Variants in GTSE1 observed in about 807,000 individuals in gnomAD.
GTSE1 encodes G2 and S phase-expressed protein 1.
A neutral mutation model predicts 60.5 loss-of-function variants in GTSE1; 52 were observed. The ratio of observed to expected loss-of-function variants is 0.86; its 90% CI spans 0.69 to 1.08. The LOEUF is 1.08. GTSE1 is among the 50% of genes least tolerant of loss of function. GTSE1 has a pLI of 0.00. For synonymous variants in GTSE1, 368 were observed against 386.5 expected (o/e 0.95, Z 0.56); for missense variants, 937 against 961.8 (o/e 0.97, Z 0.34).
At position 46,308,336 on chromosome 22, in the gene GTSE1, A is replaced by G; in HGVS notation, c.155A>G (p.Glu52Gly). The G allele has an allele frequency of 6.2e-7, 1 of 1,612,780 alleles. No individual in the cohort carries two copies. The highest frequency in any genetic ancestry group is 8.5e-7 in the Non-Finnish European group (1 of 1,178,880). ...ACAAATAGTGCAAATGAAGATGATG[A>G]AGTCTTCTTCGGACCCTTTGGACAT... Reference protein sequence around the residue: ...LSSSSANEDDEVFFGPFGHKE... With the variant: ...LSSSSANEDDGVFFGPFGHKE... Residue 52 changes from glutamate to glycine, a missense_variant, in exon 4 of 12, where the codon GAA (glutamate) becomes GGA (glycine). Coordinates refer to ENST00000454366, the MANE Select transcript of GTSE1 (RefSeq NM_016426.7).
At position 46,304,435 on chromosome 22, in the gene GTSE1, T is replaced by A. The variant is rs1350811975; in HGVS notation, c.80-3715T>A. On this transcript the variant is annotated intron_variant, in intron 2 of 11. Transcript: ENST00000454366. The surrounding 1 kb of genome is among the most constrained non-coding windows in gnomAD (Gnocchi z 4.4). ...GCTTTGGGTTGAGATGGGGATTTCC[T>A]TATATATCTATTACTTTTTATTAAG... Among the ~76,000 whole-genome samples the A allele has an allele frequency of 1.3e-5, 2 of 152,250 alleles. No homozygotes were observed. Among genetic ancestry groups the A allele is most frequent in the Non-Finnish European group, 2.9e-5 (2 of 68,036 alleles).
Position 46,330,140 on chromosome 22 carries a change from A to G in GTSE1, c.*10A>G. On this transcript the variant is annotated 3_prime_UTR_variant, in exon 12 of 12. Transcript: ENST00000454366. The surrounding 1 kb of genome is among the most constrained non-coding windows in gnomAD (Gnocchi z 6.0). The stretch of plus-strand genomic sequence containing the variant: ...ACTCCTCAAGTTCTAAGCCGAACCA[A>G]ATCCTTTGCCTTGAAAGAACAGCCC... 6.4e-7 allele frequency: 1 copy of G among 1,553,640 alleles called. No homozygotes were observed. Among genetic ancestry groups the G allele is most frequent in the South Asian group, 1.1e-5 (1 of 89,942 alleles).
rs778559566 is a variant in GTSE1, at chr22:46,313,166, TAAA to T, written c.928-706_928-704del. Among the ~76,000 whole-genome samples the T allele has an allele frequency of 1.5e-4, 12 of 82,198 alleles. No homozygotes were observed. The highest frequency in any genetic ancestry group is 3.0e-4 in the African/African-American group (7 of 23,110). 53.9% of individuals were successfully genotyped at this position (82,198 alleles called of 152,430 possible). ...CTGGGCAACAGAGTGAGACCCTGTC[TAAA>T]AAAAAAAAAAAAAAAAAGGAAAAGA... On this transcript the variant is annotated intron_variant, in intron 5 of 11. Transcript: ENST00000454366. This position sits in a 1 kb window ranked among gnomAD's most constrained non-coding sequence, Gnocchi z 4.4.
At position 46,321,658 on chromosome 22, in the gene GTSE1, G is replaced by A. The variant is rs556969088; in HGVS notation, c.1433-1532G>A. On this transcript the variant is annotated intron_variant, in intron 7 of 11. Coordinates refer to ENST00000454366, the MANE Select transcript of GTSE1 (RefSeq NM_016426.7). The surrounding 1 kb of genome is among the most constrained non-coding windows in gnomAD (Gnocchi z 4.0). ...TTAGAAATGAGTGAAGGGAGACATC[G>A]CAAGAAGCTTCCAGCACGCTGGAAG... Among the ~76,000 whole-genome samples, 126 of 152,328 alleles carry A rather than the reference G, an allele frequency of 8.3e-4. No homozygotes were observed. Among genetic ancestry groups the A allele is most frequent in the Non-Finnish European group, 1.6e-3 (107 of 68,026 alleles).
rs1179147734 is a variant in GTSE1, at chr22:46,309,067, A to G, written c.762+124A>G. ...TCTCTGAGGCCTACAAAACACAGGA[A>G]TGCGGAGTCCAGGAAAAGCAGTTGC... On this transcript the variant is annotated intron_variant, in intron 4 of 11. Transcript: ENST00000454366. This position sits in a 1 kb window ranked among gnomAD's most constrained non-coding sequence, Gnocchi z 6.2. 1.8e-6 allele frequency: 2 copies of G among 1,091,344 alleles called. No individual in the cohort carries two copies. Among genetic ancestry groups the G allele is most frequent in the East Asian group, 2.6e-5 (1 of 38,886 alleles). The allele number at this position is 1,091,344 out of a possible 1,614,324, so 67.6% of individuals were successfully genotyped here. A position where few individuals can be genotyped will look rare whatever the true frequency, so the allele number is the denominator to read the frequency against.
Position 46,324,231 on chromosome 22 carries a change from C to T in GTSE1, c.1505+969C>T, listed in dbSNP as rs890947188. Among the ~76,000 whole-genome samples, 2 of 152,182 alleles carry T rather than the reference C, an allele frequency of 1.3e-5. No individual in the cohort carries two copies. The highest frequency in any genetic ancestry group is 6.5e-5 in the Admixed American group (1 of 15,272). ...TGCGCATGGTGCCATGCTAAGCTGC[C>T]GTCCCTCCCATGCATGGTGGTGAAG... On this transcript the variant is annotated intron_variant, in intron 8 of 11. Coordinates refer to ENST00000454366, the MANE Select transcript of GTSE1 (RefSeq NM_016426.7). This position sits in a 1 kb window ranked among gnomAD's most constrained non-coding sequence, Gnocchi z 5.2.
intron 5 of GTSE1, 46 bp downstream of exon 5, chr22:46,312,351 G>A (rs770493387): frequency 1.9e-6 from 3 of 1,559,258 alleles, no homozygotes; most frequent in Admixed American, 1.8e-5. Flanking sequence ...TGGGAATGAG[G>A]TGGCAGCTGT....
rs1371711119 is a variant in GTSE1 at position 46,313,388 on chromosome 22, T to C, written c.928-502T>C. ...ATCTGCATTTCTGCTAGCTCCCTAATGTGGTCCTCATGCAGGGGTTTGAAG... is the reference window on the plus strand; with the variant it reads ...ATCTGCATTTCTGCTAGCTCCCTAACGTGGTCCTCATGCAGGGGTTTGAAG... On this transcript the variant is annotated intron_variant, in intron 5 of 11. Coordinates refer to ENST00000454366, the MANE Select transcript of GTSE1 (RefSeq NM_016426.7). The surrounding 1 kb of genome is among the most constrained non-coding windows in gnomAD (Gnocchi z 4.4). Among the ~76,000 whole-genome samples the C allele has an allele frequency of 1.3e-5, 2 of 152,212 alleles. No individual in the cohort carries two copies. Among genetic ancestry groups the C allele is most frequent in the East Asian group, 1.9e-4 (1 of 5,194 alleles).
At position 46,309,075 on chromosome 22, in the gene GTSE1, TC is replaced by T; in HGVS notation, c.762+134del. ...GCCTACAAAACACAGGAATGCGGAGTCCAGGAAAAGCAGTTGCCAATAGGGA... is the reference window on the plus strand; with the variant it reads ...GCCTACAAAACACAGGAATGCGGAGTCAGGAAAAGCAGTTGCCAATAGGGA... On this transcript the variant is annotated intron_variant, in intron 4 of 11. Transcript: ENST00000454366. The surrounding 1 kb of genome is among the most constrained non-coding windows in gnomAD (Gnocchi z 6.2). The T allele has an allele frequency of 9.5e-7, 1 of 1,047,648 alleles. No individual in the cohort carries two copies. Among genetic ancestry groups the T allele is most frequent in the Non-Finnish European group, 1.3e-6 (1 of 741,124 alleles). The allele number at this position is 1,047,648 out of a possible 1,614,324, so 64.9% of individuals were successfully genotyped here.
Position 46,329,185 on chromosome 22 carries a change from A to T in GTSE1, c.1927-173A>T, listed in dbSNP as rs2077861691. ...GGGTATGGACAGGGAGGTGGGCAACAGTCAGAGAGGCACGGCCCACCCCAT... is the reference window on the plus strand; with the variant it reads ...GGGTATGGACAGGGAGGTGGGCAACTGTCAGAGAGGCACGGCCCACCCCAT... On this transcript the variant is annotated intron_variant, in intron 10 of 11. Transcript: ENST00000454366. This position sits in a 1 kb window ranked among gnomAD's most constrained non-coding sequence, Gnocchi z 6.4. 1.5e-6 allele frequency: 1 copy of T among 680,934 alleles called. No homozygotes were observed. The allele number at this position is 680,934 out of a possible 1,614,324, so 42.2% of individuals were successfully genotyped here. A position where few individuals can be genotyped will look rare whatever the true frequency, so the allele number is the denominator to read the frequency against.
intron 6 of GTSE1, 76 bp from the exon 7 acceptor site, chr22:46,315,956 C>G: frequency 8.9e-7 from 1 of 1,129,582 alleles, no homozygotes; most frequent in Non-Finnish European, 1.3e-6. Flanking sequence ...ATGCTAAAGA[C>G]AGCATAACTT....
At position 46,308,409 on chromosome 22, in the gene GTSE1, C is replaced by T. The variant is rs900473740; in HGVS notation, c.228C>T (p.Pro76=). The T allele has an allele frequency of 5.6e-6, 9 of 1,614,002 alleles. No homozygotes were observed. Among genetic ancestry groups the T allele is most frequent in the South Asian group, 3.3e-5 (3 of 91,074 alleles). ...GCTTGGAATTAAATAATCCGGTTCC[C>T]GAACAGCCTCCGTTGCCCACATCTG... is the stretch of plus-strand genomic sequence containing the variant. The part of the protein sequence containing the change: ...AASLELNNPV[P]EQPPLPTSES... Residue 76 remains proline (P), a synonymous_variant, in exon 4 of 12, where the codon CCC becomes CCT. Coordinates refer to ENST00000454366, the MANE Select transcript of GTSE1 (RefSeq NM_016426.7).
In GTSE1 at chr22:46,317,524, C is replaced by T. The variant is rs184960661; in HGVS notation, c.1432+1112C>T. 1.0e-3 allele frequency among the ~76,000 whole-genome samples: 159 copies of T among 152,200 alleles called. No homozygotes were observed. The highest frequency in any genetic ancestry group is 3.6e-3 in the African/African-American group (150 of 41,518). ...TGTTTCGACTGACTAATTTTGTTTCCGGGTTTTGGCCTCATTTTCCTGCCT... is the reference window on the plus strand; with the variant it reads ...TGTTTCGACTGACTAATTTTGTTTCTGGGTTTTGGCCTCATTTTCCTGCCT... On this transcript the variant is annotated intron_variant, in intron 7 of 11. Coordinates refer to ENST00000454366, the MANE Select transcript of GTSE1 (RefSeq NM_016426.7). This position sits in a 1 kb window ranked among gnomAD's most constrained non-coding sequence, Gnocchi z 5.6.
chr22:46,301,816 G>A (rs2077690976), intron 2 of GTSE1, among the ~76,000 whole-genome samples: 1 of 152,180 alleles, frequency 6.6e-6, no homozygotes, highest in African/African-American at 2.4e-5. Context: ...GAGTGAGGCT[G>A]AACTTCTTGC....
At chr22:46,322,840 G>T (rs1223768301) in intron 7 of GTSE1, among the ~76,000 whole-genome samples, 2 of 152,232 alleles carry the variant, frequency 1.3e-5, no homozygotes, top group African/African-American at 4.8e-5. Context: ...GCGCATGCAG[G>T]TGCCGTCTGA....
At chr22:46,299,082 AC>A (rs2077674591) in intron 2 of GTSE1, among the ~76,000 whole-genome samples, 1 of 151,814 alleles carries the variant, frequency 6.6e-6, no homozygotes, top group South Asian at 2.1e-4. Context: ...ATCTCTTTTC[AC>A]TTTTCTATCG....
Position 46,316,992 on chromosome 22 carries a change from C to T in GTSE1, c.1432+580C>T, listed in dbSNP as rs559709538. Among the ~76,000 whole-genome samples, 4 of 151,234 alleles carry T rather than the reference C, an allele frequency of 2.6e-5. No homozygotes were observed. Among genetic ancestry groups the T allele is most frequent in the Admixed American group, 2.0e-4 (3 of 15,204 alleles). ...TTTTTTGTTTTTTGAGACGGAGTCT[C>T]GCTCTGTCACCCAGGGTGGAATGCA... On this transcript the variant is annotated intron_variant, in intron 7 of 11. Transcript: ENST00000454366. This position sits in a 1 kb window ranked among gnomAD's most constrained non-coding sequence, Gnocchi z 5.0.
At position 46,308,938 on chromosome 22, in the gene GTSE1, G is replaced by A; in HGVS notation, c.757G>A (p.Glu253Lys). ...AGGAAGAAGCATCCCTGGGGCTGCG[G>A]AGAAGGTAAATGCCACAGCAGAGCG... ...VRGRSIPGAAEKPKKEIPASP... is the reference protein window; with the variant it reads ...VRGRSIPGAAKKPKKEIPASP... The change falls in exon 4 of 12, where the codon GAG (glutamate) becomes AAG (lysine). Residue 253 changes from glutamate (E) to lysine (K), a missense_variant. By Grantham distance (56) the Glu-to-Lys change is moderately conservative. Transcript: ENST00000454366. 1 of 1,608,676 alleles carries A rather than the reference G, an allele frequency of 6.2e-7. No homozygotes were observed. Among genetic ancestry groups the A allele is most frequent in the Non-Finnish European group, 8.5e-7 (1 of 1,177,148 alleles).
rs1461999347 is a variant in GTSE1, at chr22:46,316,959, TTTTTTTG to T, written c.1432+562_1432+568del. Among the ~76,000 whole-genome samples, 6 of 152,106 alleles carry T rather than the reference TTTTTTTG, an allele frequency of 3.9e-5. No individual in the cohort carries two copies. The highest frequency in any genetic ancestry group is 1.4e-4 in the African/African-American group (6 of 41,448). On this transcript the variant is annotated intron_variant, in intron 7 of 11. Coordinates refer to ENST00000454366, the MANE Select transcript of GTSE1 (RefSeq NM_016426.7). The surrounding 1 kb of genome is among the most constrained non-coding windows in gnomAD (Gnocchi z 5.0). Reference sequence around the variant, plus strand: ...ATCTTTTTTCTTTTCTTTCTTTCTTTTTTTTTGTTTTTTGTTTTTTGAGACGGAGTCT... The same window carrying T: ...ATCTTTTTTCTTTTCTTTCTTTCTTTTTTTTTGTTTTTTGAGACGGAGTCT...
Sources: gnomAD v4.1 joint callset for allele counts (sites outside exome capture counted in the v4.1 genomes callset) on GRCh38, gnomAD v4.1.1 for gene constraint, Gnocchi (gnomAD v3.1) non-coding constraint, MANE v1.5 for transcripts, NCBI Gene and HGNC (gene_info 2026-07-23, HGNC 2026-07-21) for gene names.